NACC2: variants seen among roughly 807,000 people sequenced by gnomAD.
NACC2 encodes nucleus accumbens-associated protein 2.
Under a neutral mutation model 25.1 loss-of-function variants are expected in NACC2, and 8 were observed. The ratio of observed to expected loss-of-function variants is 0.32; its 90% CI spans 0.19 to 0.57. NACC2 has a LOEUF of 0.57. Among genes scored for constraint, NACC2 ranks in the 20% least tolerant of loss-of-function variants. The pLI, the probability that NACC2 is intolerant of heterozygous loss-of-function variation, is 0.89. For synonymous variants in NACC2, 435 were observed against 294.7 expected (o/e 1.48, Z -4.88); for missense variants, 644 against 650.2 (o/e 0.99, Z 0.10).
At chr9:136,094,661 A>G (rs932605978) in intron 1 of NACC2, among the ~76,000 whole-genome samples, 3 of 151,534 alleles carry the variant, frequency 2.0e-5, no homozygotes, top group Non-Finnish European at 2.9e-5. Context: ...ACGACCCACG[A>G]ACGGGCCCAC....
chr9:136,042,969 C>CAGAG (rs1840666740), intron 2 of NACC2, among the ~76,000 whole-genome samples: 1 of 151,396 alleles, frequency 6.6e-6, no homozygotes, highest in Non-Finnish European at 1.5e-5. Context: ...CACAGAGACA[C>CAGAG]ACACATAGAC....
chr9:136,083,958 G>C (rs1162688641), intron 1 of NACC2, among the ~76,000 whole-genome samples: 1 of 152,072 alleles, frequency 6.6e-6, no homozygotes, highest in African/African-American at 2.4e-5. Flanking sequence ...AAGCCTCTCC[G>C]CCTCACCCCA....
chr9:136,041,729 T>C (rs1840635888), intron 2 of NACC2, among the ~76,000 whole-genome samples: 2 of 152,296 alleles, frequency 1.3e-5, no homozygotes, highest in Non-Finnish European at 2.9e-5. Flanking sequence ...GATTATTACT[T>C]TAAACAGATG....
intron 1 of NACC2, among the ~76,000 whole-genome samples, chr9:136,074,680 G>A (rs879695999): frequency 1.3e-5 from 2 of 151,616 alleles, no homozygotes; most frequent in Non-Finnish European, 2.9e-5. Context: ...AATACTGACC[G>A]TGCCTCCACC....
intron 1 of NACC2, among the ~76,000 whole-genome samples, chr9:136,072,486 A>C (rs1159526584): frequency 1.3e-5 from 2 of 152,092 alleles, no homozygotes; most frequent in Admixed American, 6.6e-5. Flanking sequence ...CAGAGATTGC[A>C]GTGAGCCAAG....
At chr9:136,045,778 C>T (rs897046650) in intron 2 of NACC2, among the ~76,000 whole-genome samples, 16 of 152,304 alleles carry the variant, frequency 1.1e-4, no homozygotes, top group African/African-American at 3.1e-4. Flanking sequence ...CTGTCATCTG[C>T]CCTGGGGTAA....
intron 5 of NACC2, among the ~76,000 whole-genome samples, chr9:136,012,656 T>G (rs941101311): frequency 1.5e-5 from 2 of 130,124 alleles, no homozygotes; most frequent in Non-Finnish European, 3.1e-5. Flanking sequence ...CACAAGGTTT[T>G]TTTTTTTTTT....
rs1281540641 is a variant in NACC2 at position 136,049,700 on chromosome 9, G to A, written c.822C>T (p.Ala274=). The A allele has an allele frequency of 1.2e-5, 9 of 779,274 alleles. No individual in the cohort carries two copies. Among genetic ancestry groups the A allele is most frequent in the Non-Finnish European group, 1.7e-5 (7 of 417,498 alleles). 48.3% of individuals were successfully genotyped at this position (779,274 alleles called of 1,614,324 possible). ...ACTGCTCCTCCACCATGGTGTCGTA[G>A]GCCTCGTCGTCCTCCTCGTCCTCCT... ...HNEEDEEDDE[A]YDTMVEEQYG... Residue 274 remains alanine, a synonymous_variant, in exon 2 of 6, where the codon GCC becomes GCT. Coordinates refer to ENST00000277554, the MANE Select transcript of NACC2 (RefSeq NM_144653.5).
intron 2 of NACC2, 102 bp from the exon 3 acceptor site, chr9:136,016,531 C>G: frequency 2.1e-6 from 3 of 1,402,316 alleles, no homozygotes; most frequent in Non-Finnish European, 2.9e-6. Context: ...TGTGTTAGAC[C>G]CACTCTGCCC....
chr9:136,074,384 C>T (rs1171079517), intron 1 of NACC2, among the ~76,000 whole-genome samples: 8 of 142,210 alleles, frequency 5.6e-5, no homozygotes, highest in East Asian at 2.0e-4. Flanking sequence ...ACCCGGGAGG[C>T]GGAGCTTGCA....
chr9:136,027,562 A>G (rs1332543237), intron 2 of NACC2, among the ~76,000 whole-genome samples: 1 of 152,228 alleles, frequency 6.6e-6, no homozygotes, highest in Non-Finnish European at 1.5e-5. Flanking sequence ...ATAACAAAAA[A>G]GATGACCAGA....
In NACC2 at chr9:136,013,838, C is replaced by T. The variant is rs1359241754; in HGVS notation, c.1157+26G>A. On this transcript the variant is annotated intron_variant, in intron 4 of 5. Transcript: ENST00000277554. This position sits in a 1 kb window ranked among gnomAD's most constrained non-coding sequence, Gnocchi z 6.6. Reference sequence around the variant, plus strand: ...AGAACCCTCCGCAGCTCCATTGTGCCCTCCAGCACTCCTGCCCCGACCTAC... The same window carrying T: ...AGAACCCTCCGCAGCTCCATTGTGCTCTCCAGCACTCCTGCCCCGACCTAC... 1.9e-6 allele frequency: 3 copies of T among 1,597,386 alleles called. No individual in the cohort carries two copies. The highest frequency in any genetic ancestry group is 2.7e-5 in the African/African-American group (2 of 74,550).
chr9:136,054,846 G>A (rs1345498094), intron 1 of NACC2, among the ~76,000 whole-genome samples: 4 of 152,130 alleles, frequency 2.6e-5, no homozygotes, highest in African/African-American at 9.7e-5. Flanking sequence ...GCCATCCTCA[G>A]GGTTGTGGCA....
At chr9:136,081,579 G>C (rs968840979) in intron 1 of NACC2, among the ~76,000 whole-genome samples, 4 of 152,258 alleles carry the variant, frequency 2.6e-5, no homozygotes, top group African/African-American at 9.6e-5. Context: ...TCTCTGCAAA[G>C]GCCTCTCAGC....
chr9:136,082,590 G>A (rs755055335), intron 1 of NACC2, among the ~76,000 whole-genome samples: 1 of 152,230 alleles, frequency 6.6e-6, no homozygotes, highest in Non-Finnish European at 1.5e-5. Context: ...TAGAGCCGAG[G>A]CGTCTTAGCA....
At chr9:136,053,080 G>A (rs1588573165) in intron 1 of NACC2, among the ~76,000 whole-genome samples, 1 of 152,240 alleles carries the variant, frequency 6.6e-6, no homozygotes, top group Admixed American at 6.5e-5. Context: ...CTCCTGCTTG[G>A]CCAGCTGCCT....
At chr9:136,021,742 C>T (rs987892463) in intron 2 of NACC2, among the ~76,000 whole-genome samples, 38 of 152,332 alleles carry the variant, frequency 2.5e-4, no homozygotes, top group African/African-American at 8.9e-4. Context: ...ACACTGTGAA[C>T]CATCCACATG....
chr9:136,014,921 G>A (rs1840177440), intron 3 of NACC2, among the ~76,000 whole-genome samples: 1 of 152,178 alleles, frequency 6.6e-6, no homozygotes, highest in Non-Finnish European at 1.5e-5. Flanking sequence ...AACCCTCTGG[G>A]AACAATGGGG....
At position 136,016,416 on chromosome 9, in the gene NACC2, A is replaced by G; in HGVS notation, c.900T>C (p.Pro300=). The G allele has an allele frequency of 6.2e-7, 1 of 1,610,954 alleles. No individual in the cohort carries two copies. Among genetic ancestry groups the G allele is most frequent in the Non-Finnish European group, 8.5e-7 (1 of 1,179,686 alleles). ...AGCGGCTCTCCAGCGGCACTGGCTCAGGCTTCTCTTGCACTGTGGGCCCAG... is the reference window on the plus strand; with the variant it reads ...AGCGGCTCTCCAGCGGCACTGGCTCGGGCTTCTCTTGCACTGTGGGCCCAG... The part of the protein sequence containing the change: ...ASGSYAVQEK[P]EPVPLESRSC... The change falls in exon 3 of 6, where the codon CCT becomes CCC. Residue 300 remains proline (P), a synonymous_variant. Coordinates refer to ENST00000277554, the MANE Select transcript of NACC2 (RefSeq NM_144653.5).
Sources: allele counts gnomAD v4.1 joint callset (sites outside exome capture counted in the v4.1 genomes callset), GRCh38; gene constraint gnomAD v4.1.1; non-coding constraint Gnocchi (gnomAD v3.1); transcripts MANE v1.5; gene names NCBI Gene and HGNC (gene_info 2026-07-23, HGNC 2026-07-21).